Variants in OSBPL1A observed in about 807,000 individuals in gnomAD.
The protein encoded by OSBPL1A is oxysterol-binding protein-related protein 1.
A neutral mutation model predicts 137.1 loss-of-function variants in OSBPL1A; 80 were observed. The observed-to-expected ratio is 0.58, with a 90% CI of 0.49 to 0.70. The LOEUF (loss-of-function observed/expected upper bound fraction) is 0.70, where lower values mean the gene tolerates loss of function less well. OSBPL1A is among the 30% of genes least tolerant of loss of function. OSBPL1A has a pLI of 0.00. For missense variants in OSBPL1A, 970 were observed against 1,129.4 expected (o/e 0.86, Z 2.02); for synonymous variants, 365 against 389.7 (o/e 0.94, Z 0.75).
intron 5 of OSBPL1A, among the ~76,000 whole-genome samples, chr18:24,335,965 T>A (rs779449749): frequency 6.6e-6 from 1 of 152,232 alleles, no homozygotes; most frequent in East Asian, 1.9e-4. Flanking sequence ...CTGTAGACTG[T>A]CCATGGCTTC....
chr18:24,385,103 C>T (rs1300894067), intron 1 of OSBPL1A, among the ~76,000 whole-genome samples: 3 of 151,608 alleles, frequency 2.0e-5, no homozygotes, highest in Non-Finnish European at 4.4e-5. Flanking sequence ...TACAGGCGCC[C>T]GCCACCACAC....
intron 27 of OSBPL1A, among the ~76,000 whole-genome samples, chr18:24,164,753 A>C (rs1201329734): frequency 6.6e-6 from 1 of 151,984 alleles, no homozygotes; most frequent in Non-Finnish European, 1.5e-5. Flanking sequence ...AAACTTAACT[A>C]CCATAGGATC....
Position 24,179,852 on chromosome 18 carries a change from G to A in OSBPL1A, c.1813-17C>T, listed in dbSNP as rs375169200. On this transcript the variant is annotated splice_polypyrimidine_tract_variant and intron_variant, in intron 19 of 27. Transcript: ENST00000319481. ...AGCTACACACTGTGGGACAGAGCAT[G>A]AGAACAAGTCAAAAATAGCCGAGCT... 2.6e-5 allele frequency: 41 copies of A among 1,606,570 alleles called. No individual in the cohort carries two copies. The highest frequency in any genetic ancestry group is 1.7e-4 in the Middle Eastern group (1 of 6,054).
chr18:24,218,279 G>A (rs2087770757), intron 17 of OSBPL1A: 1 of 152,144 alleles, frequency 6.6e-6, no homozygotes, highest in Non-Finnish European at 1.5e-5. Flanking sequence ...TACATACTGA[G>A]TTATTTAAAA....
chr18:24,340,893 A>G (rs1441997318), intron 5 of OSBPL1A, among the ~76,000 whole-genome samples: 2 of 152,068 alleles, frequency 1.3e-5, no homozygotes, highest in East Asian at 3.9e-4. Flanking sequence ...GTATCCCTTC[A>G]TTGTCATGTT....
intron 16 of OSBPL1A, among the ~76,000 whole-genome samples, chr18:24,237,191 A>G (rs563765620): frequency 1.8e-4 from 28 of 152,328 alleles, no homozygotes; most frequent in African/African-American, 3.8e-4. Context: ...TGAGGAGGAG[A>G]AGGAGTGCAT....
At chr18:24,390,829 G>A (rs1907299667) in intron 1 of OSBPL1A, among the ~76,000 whole-genome samples, 1 of 151,708 alleles carries the variant, frequency 6.6e-6, no homozygotes, top group African/African-American at 2.4e-5. Context: ...GCCAGGTGCA[G>A]TGGCTCACGG....
chr18:24,347,841 G>GAAAAAAAAAAAA (rs34599277), intron 4 of OSBPL1A: 1 of 55,744 alleles, frequency 1.8e-5, no homozygotes, highest in Non-Finnish European at 3.2e-5. Context: ...CACTCCATCT[G>GAAAAAAAAAAAA]AAAAAAAAAA....
chr18:24,230,409 T>A, intron 16 of OSBPL1A, among the ~76,000 whole-genome samples: 1 of 151,996 alleles, frequency 6.6e-6, no homozygotes, highest in East Asian at 1.9e-4. Context: ...GTTGGAAAGT[T>A]TATGTTATGT....
chr18:24,365,909 T>C (rs1217072563), intron 4 of OSBPL1A, among the ~76,000 whole-genome samples: 1 of 152,120 alleles, frequency 6.6e-6, no homozygotes. Flanking sequence ...AGCAAGCAAT[T>C]AGTTCTGCAG....
chr18:24,390,012 T>C (rs1907212138), intron 1 of OSBPL1A, among the ~76,000 whole-genome samples: 1 of 151,998 alleles, frequency 6.6e-6, no homozygotes, highest in Admixed American at 6.6e-5. Context: ...TCAAAGATAA[T>C]AAAATTCAAC....
chr18:24,396,741 C>G (rs1907769117), intron 1 of OSBPL1A, among the ~76,000 whole-genome samples: 1 of 152,102 alleles, frequency 6.6e-6, no homozygotes, highest in African/African-American at 2.4e-5. Context: ...GCAAAAAATT[C>G]ATTGTATCGG....
At chr18:24,331,424 T>G in intron 7 of OSBPL1A, among the ~76,000 whole-genome samples, 2 of 140,322 alleles carry the variant, frequency 1.4e-5, no homozygotes, top group Middle Eastern at 3.8e-3. Context: ...TGAGACAGAG[T>G]CTCGCTCTGT....
Position 24,368,335 on chromosome 18 carries a change from A to G in OSBPL1A, c.159T>C (p.His53=). 1.9e-6 allele frequency: 3 copies of G among 1,613,826 alleles called. No homozygotes were observed. The highest frequency in any genetic ancestry group is 2.5e-6 in the Non-Finnish European group (3 of 1,179,744). ...GTCTGTGTCCAAAATAGCATGCCAG[A>G]TGTAGAGGTGTCCAGCCCAAGTTAG... The part of the protein sequence containing the change: ...SKSNLGWTPL[H]LACYFGHRQV... The change falls in exon 3 of 28, where the codon CAT becomes CAC. Residue 53 remains histidine, a synonymous_variant. Coordinates refer to ENST00000319481, the MANE Select transcript of OSBPL1A (RefSeq NM_080597.4).
intron 17 of OSBPL1A, among the ~76,000 whole-genome samples, chr18:24,218,697 C>T (rs1327733402): frequency 2.0e-5 from 3 of 152,066 alleles, no homozygotes; most frequent in African/African-American, 7.2e-5. Flanking sequence ...CCACCCACCT[C>T]GGTCTCCCAA....
rs1215879914 is a variant in OSBPL1A at position 24,232,950 on chromosome 18, C to T, written c.1444+6270G>A. Among the ~76,000 whole-genome samples the T allele has an allele frequency of 4.6e-5, 7 of 152,140 alleles. No homozygotes were observed. The East Asian group carries it at 1.3e-3, about 29-fold the overall frequency. On this transcript the variant is annotated intron_variant, in intron 16 of 27. Transcript: ENST00000319481. ...TATTGGTTTTGCCCATCTACGCTATCGGATTTTATGCATTATTCATGCACA... is the reference window on the plus strand; with the variant it reads ...TATTGGTTTTGCCCATCTACGCTATTGGATTTTATGCATTATTCATGCACA...
At chr18:24,183,463 G>A (rs1439340762) in intron 18 of OSBPL1A, among the ~76,000 whole-genome samples, 1 of 141,164 alleles carries the variant, frequency 7.1e-6, no homozygotes, top group East Asian at 2.0e-4. Context: ...GCGGAGTTTT[G>A]CTCTTGTCGC....
rs1472728441 is a variant in OSBPL1A at position 24,319,566 on chromosome 18, C to T, written c.626-757G>A. ...AGCTATCAATGTTAATTTTTCCAACCTTACACATGCACATTCCATGTTTTG... is the reference window on the plus strand; with the variant it reads ...AGCTATCAATGTTAATTTTTCCAACTTTACACATGCACATTCCATGTTTTG... On this transcript the variant is annotated intron_variant, in intron 7 of 27. Coordinates refer to ENST00000319481, the MANE Select transcript of OSBPL1A (RefSeq NM_080597.4). Among the ~76,000 whole-genome samples the T allele has an allele frequency of 2.0e-5, 3 of 152,130 alleles. No homozygotes were observed. In the East Asian group the frequency reaches 5.8e-4, roughly 29 times the overall value.
intron 16 of OSBPL1A, among the ~76,000 whole-genome samples, chr18:24,232,853 A>C (rs1193398680): frequency 6.6e-6 from 1 of 152,312 alleles, no homozygotes; most frequent in East Asian, 1.9e-4. Context: ...CAAGTGTTCA[A>C]GATTTAAAAG....
Sources: allele counts gnomAD v4.1 joint callset (sites outside exome capture counted in the v4.1 genomes callset), GRCh38; gene constraint gnomAD v4.1.1; transcripts MANE v1.5; gene names NCBI Gene and HGNC (gene_info 2026-07-23, HGNC 2026-07-21).